The following GLB1L3 variants were observed in gnomAD, a reference collection of about 807,000 sequenced individuals.
The protein encoded by GLB1L3 is beta-galactosidase-1-like protein 3.
GLB1L3 carries 89 observed loss-of-function variants against 89.5 expected under a neutral mutation model. That is an observed-to-expected ratio of 0.99 (90% CI 0.84 to 1.19). GLB1L3 has a LOEUF of 1.19. Among genes scored for constraint, GLB1L3 ranks in the 50% most tolerant of loss-of-function variants. GLB1L3 has a pLI of 0.00. For synonymous variants in GLB1L3, 314 were observed against 312.3 expected, an observed-to-expected ratio of 1.01 and a Z score of -0.06; for missense variants, 812 against 813.3, an observed-to-expected ratio of 1.00 and a Z score of 0.02.
intron 9 of GLB1L3, among the ~76,000 whole-genome samples, chr11:134,293,992 C>A (rs1941498988): frequency 6.6e-6 from 1 of 152,154 alleles, no homozygotes; most frequent in Non-Finnish European, 1.5e-5. Flanking sequence ...CCAGACTCTG[C>A]AGCTTCAGGG....
intron 10 of GLB1L3, among the ~76,000 whole-genome samples, 162 bp from the exon 11 acceptor site, chr11:134,309,464 A>G (rs1942612274): frequency 6.8e-6 from 1 of 148,048 alleles, no homozygotes; most frequent in Admixed American, 6.9e-5. Context: ...TTTTTATATC[A>G]TTTTACTTAA....
intron 6 of GLB1L3, among the ~76,000 whole-genome samples, chr11:134,284,219 C>T (rs1208942041): frequency 6.6e-6 from 1 of 152,070 alleles, no homozygotes; most frequent in Non-Finnish European, 1.5e-5. Flanking sequence ...CACCCTGTCC[C>T]AAAGCCATTT....
intron 9 of GLB1L3, among the ~76,000 whole-genome samples, chr11:134,293,714 C>A (rs1363601205): frequency 8.9e-6 from 1 of 112,548 alleles, no homozygotes; most frequent in Non-Finnish European, 2.2e-5. Flanking sequence ...CCAGGGAGTA[C>A]ATCTGTCCTT....
Position 134,312,818 on chromosome 11 carries a change from GT to G in GLB1L3, c.1436del (p.Leu479TrpfsTer5). The G allele has an allele frequency of 1.2e-6, 2 of 1,611,002 alleles. No individual in the cohort carries two copies. Among genetic ancestry groups the G allele is most frequent in the South Asian group, 1.1e-5 (1 of 90,398 alleles). Reference sequence around the variant, plus strand: ...TGACGCCGGCTCTTCTTTTGCAGGTGTTTTTGGATGAGACAATGATAGGGAT... The same window carrying G: ...TGACGCCGGCTCTTCTTTTGCAGGTGTTTTGGATGAGACAATGATAGGGAT... ...RAHAHDVAQVFLDETMIGILN... is the reference protein window; with the variant it reads ...RAHAHDVAQVXLDETMIGILN... On this transcript the variant is annotated frameshift_variant, in exon 15 of 20. Transcript: ENST00000431683. LOFTEE classifies it high-confidence loss of function.
chr11:134,281,961 G>A (rs1477692433), intron 4 of GLB1L3, 64 bp from the exon 5 acceptor site: 8 of 1,316,064 alleles, frequency 6.1e-6, no homozygotes, highest in African/African-American at 1.6e-5. Context: ...TGTGATGCGT[G>A]TGGCCCCCAC....
rs1396882767 is a variant in GLB1L3, at chr11:134,312,787, G to C, written c.1429-29G>C. On this transcript the variant is annotated intron_variant, in intron 14 of 19. Coordinates refer to ENST00000431683, the MANE Select transcript of GLB1L3 (RefSeq NM_001080407.3). ...TTCTCCCTTTCTTCGGGTGGGCCTA[G>C]CAGTCTGACGCCGGCTCTTCTTTTG... The C allele has an allele frequency of 3.2e-6, 5 of 1,582,110 alleles. No individual in the cohort carries two copies. The Admixed American group carries it at 8.6e-5, about 27-fold the overall frequency.
At chr11:134,296,934 T>G (rs550055774) in intron 9 of GLB1L3, among the ~76,000 whole-genome samples, 1 of 152,090 alleles carries the variant, frequency 6.6e-6, no homozygotes, top group South Asian at 2.1e-4. Flanking sequence ...CAGGTCAAGC[T>G]AATTGATGAT....
chr11:134,298,283 G>A (rs1204563571), intron 9 of GLB1L3, among the ~76,000 whole-genome samples: 1 of 152,098 alleles, frequency 6.6e-6, no homozygotes, highest in Non-Finnish European at 1.5e-5. Flanking sequence ...CCAGAAAATG[G>A]AAAAGGAGAG....
chr11:134,308,196 T>A (rs1383818560), intron 10 of GLB1L3, among the ~76,000 whole-genome samples: 2 of 68,870 alleles, frequency 2.9e-5, no homozygotes, highest in Admixed American at 1.4e-4. Flanking sequence ...ATCATCACCA[T>A]CACCACTACC....
intron 3 of GLB1L3, among the ~76,000 whole-genome samples, chr11:134,281,002 C>G (rs503676): frequency 0.22 from 32,763 of 152,174 alleles, 3,913 homozygotes; most frequent in Non-Finnish European, 0.28. Flanking sequence ...AGAAACTCCT[C>G]ATTTATTCTT....
chr11:134,292,344 G>C, intron 8 of GLB1L3, 131 bp downstream of exon 8: 1 of 634,368 alleles, frequency 1.6e-6, no homozygotes, highest in Non-Finnish European at 2.8e-6. Context: ...ATGGATCCTG[G>C]AGTTCGATGT....
intron 5 of GLB1L3, 76 bp from the exon 6 acceptor site, chr11:134,283,661 G>A (rs919548765): frequency 3.3e-5 from 25 of 767,978 alleles, no homozygotes; most frequent in Admixed American, 1.8e-4. Context: ...GCGGCGAGCC[G>A]GGGCAGCTCT....
In GLB1L3 at chr11:134,287,705, C is replaced by T. The variant is rs190025767; in HGVS notation, c.637-1093C>T. On this transcript the variant is annotated intron_variant, in intron 6 of 19. Transcript: ENST00000431683. ...TCACTGCTGGGTGTACCAGGCACAGCGGAGAGGCCATGCGTCCACTCGGGG... is the reference window on the plus strand; with the variant it reads ...TCACTGCTGGGTGTACCAGGCACAGTGGAGAGGCCATGCGTCCACTCGGGG... Among the ~76,000 whole-genome samples the T allele has an allele frequency of 4.3e-3, 659 of 152,354 alleles. 21 individuals are homozygous for T. Among genetic ancestry groups the T allele is most frequent in the Admixed American group, 0.042 (638 of 15,310 alleles).
intron 9 of GLB1L3, among the ~76,000 whole-genome samples, chr11:134,294,279 G>C (rs1941515532): frequency 6.6e-6 from 1 of 152,090 alleles, no homozygotes; most frequent in Admixed American, 6.5e-5. Flanking sequence ...CGTTGGCCAG[G>C]TTGGTCTCAA....
chr11:134,313,747 TG>T (rs1942856066), intron 16 of GLB1L3, among the ~76,000 whole-genome samples, 193 bp from the exon 17 acceptor site: 1 of 152,214 alleles, frequency 6.6e-6, no homozygotes, highest in Non-Finnish European at 1.5e-5. Context: ...CAGTACTAAG[TG>T]GGGGAACTTT....
intron 1 of GLB1L3, 166 bp from the exon 2 acceptor site, chr11:134,277,160 T>G: frequency 2.5e-6 from 2 of 800,046 alleles, no homozygotes; most frequent in Non-Finnish European, 2.1e-6. Context: ...ACTGGCCGGG[T>G]GATGCCGCGC....
At chr11:134,320,627 A>C (rs1264512477), downstream of GLB1L3, among the ~76,000 whole-genome samples, 1 of 152,170 alleles carries the variant, frequency 6.6e-6, no homozygotes, top group Admixed American at 6.5e-5. Context: ...GTCTTTTCCA[A>C]ATATGAATGC....
Position 134,314,688 on chromosome 11 carries a change from C to T in GLB1L3, c.1779+247C>T, listed in dbSNP as rs185956687. On this transcript the variant is annotated intron_variant, in intron 18 of 19. Transcript: ENST00000431683. Reference sequence around the variant, plus strand: ...GGGAGAGAGCAAAGCATGAAGTTCGCCTTTGAACCCACCCCCATTCCAATT... The same window carrying T: ...GGGAGAGAGCAAAGCATGAAGTTCGTCTTTGAACCCACCCCCATTCCAATT... Among the ~76,000 whole-genome samples the T allele has an allele frequency of 5.4e-3, 821 of 152,258 alleles. 2 individuals are homozygous for T. Among genetic ancestry groups the T allele is most frequent in the Non-Finnish European group, 9.2e-3 (625 of 68,012 alleles).
rs892504749 is a variant in GLB1L3 at position 134,293,146 on chromosome 11, G to A, written c.813G>A (p.Val271=). ...TGGGTCTCTCTCTTCTTTATGCAGT[G>A]TTGGCCGCCATCAATTTGCAAAAAC... ...KHVLSGHTKG[V]LAAINLQKLH... The change falls in exon 9 of 20, where the codon GTG becomes GTA. Residue 271 remains valine, a splice_region_variant and synonymous_variant. Coordinates refer to ENST00000431683, the MANE Select transcript of GLB1L3 (RefSeq NM_001080407.3). The A allele has an allele frequency of 6.2e-7, 1 of 1,613,518 alleles. No individual in the cohort carries two copies. Among genetic ancestry groups the A allele is most frequent in the Non-Finnish European group, 8.5e-7 (1 of 1,179,528 alleles).
Sources: gnomAD v4.1 joint callset for allele counts (sites outside exome capture counted in the v4.1 genomes callset) on GRCh38, gnomAD v4.1.1 for gene constraint, MANE v1.5 for transcripts, NCBI Gene and HGNC (gene_info 2026-07-23, HGNC 2026-07-21) for gene names.